MYOF: variants seen among roughly 807,000 people sequenced by gnomAD.
The protein encoded by MYOF is myoferlin.
Under a neutral mutation model 284.2 loss-of-function variants are expected in MYOF, and 244 were observed. The observed-to-expected ratio is 0.86, with a 90% CI of 0.77 to 0.95. The LOEUF is 0.95. MYOF is among the 40% of genes least tolerant of loss of function. MYOF has a pLI of 0.00. For synonymous variants in MYOF, 904 were observed against 919.7 expected, an observed-to-expected ratio of 0.98 and a Z score of 0.31; for missense variants, 2,496 against 2,560.6, an observed-to-expected ratio of 0.97 and a Z score of 0.54.
Position 93,323,064 on chromosome 10 carries a change from C to T in MYOF, c.5456+14G>A. 6.2e-7 allele frequency: 1 copy of T among 1,609,888 alleles called. No individual in the cohort carries two copies. The highest frequency in any genetic ancestry group is 8.5e-7 in the Non-Finnish European group (1 of 1,176,098). The stretch of plus-strand genomic sequence containing the variant: ...TCCCTGAGCTTGGCAAAGTCTCTCA[C>T]ATGCTAACCTTACCCTTTGACGTAG... On this transcript the variant is annotated intron_variant, in intron 48 of 53. Coordinates refer to ENST00000359263, the MANE Select transcript of MYOF (RefSeq NM_013451.4).
chr10:93,480,499 G>A (rs1422458921), intron 1 of MYOF, among the ~76,000 whole-genome samples: 1 of 120,024 alleles, frequency 8.3e-6, no homozygotes. Context: ...TTTTTGAGAC[G>A]GAGTCTCACT....
chr10:93,359,752 C>A, intron 29 of MYOF, 81 bp downstream of exon 29: 1 of 1,567,846 alleles, frequency 6.4e-7, no homozygotes, highest in Non-Finnish European at 8.7e-7. Flanking sequence ...ATAATTTCTG[C>A]AGAAATGGCT....
intron 1 of MYOF, 53 bp from the exon 2 acceptor site, chr10:93,456,990 G>A: frequency 7.5e-7 from 1 of 1,338,492 alleles, no homozygotes; most frequent in Non-Finnish European, 1.0e-6. Context: ...AAATTAAAGA[G>A]CGTGGGCCAT....
chr10:93,400,831 A>G (rs1277570678), intron 12 of MYOF, among the ~76,000 whole-genome samples: 2 of 149,862 alleles, frequency 1.3e-5, no homozygotes, highest in Admixed American at 6.7e-5. Context: ...TCATTGGGAC[A>G]TTACTACCCT....
intron 49 of MYOF, among the ~76,000 whole-genome samples, chr10:93,318,432 A>T (rs1564613810): frequency 6.6e-6 from 1 of 151,776 alleles, no homozygotes; most frequent in Non-Finnish European, 1.5e-5. Context: ...AAAAGAAAAA[A>T]GTCCCCTTTG....
chr10:93,407,896 A>T (rs1462086701), intron 7 of MYOF, among the ~76,000 whole-genome samples: 1 of 152,136 alleles, frequency 6.6e-6, no homozygotes, highest in South Asian at 2.1e-4. Context: ...TGTCCCTCAG[A>T]GACACCCTGC....
At chr10:93,407,400 C>T (rs1438417971) in intron 7 of MYOF, among the ~76,000 whole-genome samples, 2 of 122,238 alleles carry the variant, frequency 1.6e-5, no homozygotes, top group Non-Finnish European at 3.2e-5. Context: ...CACACTCCAG[C>T]CTTGGCAACA....
intron 5 of MYOF, among the ~76,000 whole-genome samples, chr10:93,425,016 G>T (rs1848520209): frequency 7.7e-6 from 1 of 130,356 alleles, no homozygotes; most frequent in South Asian, 2.5e-4. Context: ...TCGGCTCACT[G>T]AAACCTCCTC....
intron 21 of MYOF, among the ~76,000 whole-genome samples, chr10:93,378,534 C>T (rs1023252198): frequency 6.6e-6 from 1 of 151,442 alleles, no homozygotes; most frequent in Non-Finnish European, 1.5e-5. Context: ...ACTCCTGAAA[C>T]CCCATATGTT....
At chr10:93,355,445 G>A (rs773229371) in intron 31 of MYOF, among the ~76,000 whole-genome samples, 183 bp downstream of exon 31, 5 of 152,130 alleles carry the variant, frequency 3.3e-5, no homozygotes, top group Admixed American at 2.6e-4. Context: ...AATTAGCCAG[G>A]CATGGTGACG....
In MYOF at chr10:93,310,166, G is replaced by C. The variant is rs146306077; in HGVS notation, c.6001C>G (p.Arg2001Gly). Residue 2001 changes from arginine (R) to glycine (G), a missense_variant and splice_region_variant, in exon 53 of 54, where the codon CGA becomes GGA. Arg to Gly is a moderately radical substitution (Grantham distance 125). Coordinates refer to ENST00000359263, the MANE Select transcript of MYOF (RefSeq NM_013451.4). ...AACCAGAGGAAGGAGGTTTCTGGTC[G>C]ACTGCATTGCAAAGAAACAGTATCA... Reference protein sequence around the residue: ...NMNPKLDLPNRPETSFLWFTN... With the variant: ...NMNPKLDLPNGPETSFLWFTN... 2 of 1,613,928 alleles carry C rather than the reference G, an allele frequency of 1.2e-6. No individual in the cohort carries two copies. Among genetic ancestry groups the C allele is most frequent in the East Asian group, 2.2e-5 (1 of 44,860 alleles).
intron 1 of MYOF, among the ~76,000 whole-genome samples, chr10:93,471,749 C>T (rs573756067): frequency 6.6e-6 from 1 of 152,126 alleles, no homozygotes; most frequent in Non-Finnish European, 1.5e-5. Flanking sequence ...ATTAGCCGGG[C>T]ATTGTGGCAT....
At chr10:93,317,086 G>T in intron 49 of MYOF, among the ~76,000 whole-genome samples, 1 of 149,760 alleles carries the variant, frequency 6.7e-6, no homozygotes, top group Non-Finnish European at 1.5e-5. Flanking sequence ...CTGGGGGTTG[G>T]AGAGTGACTC....
chr10:93,363,943 C>T lies in MYOF; in HGVS notation c.2868+18G>A. 1 of 1,611,086 alleles carries T rather than the reference C, an allele frequency of 6.2e-7. No individual in the cohort carries two copies. Among genetic ancestry groups the T allele is most frequent in the Non-Finnish European group, 8.5e-7 (1 of 1,177,852 alleles). Reference sequence around the variant, plus strand: ...AGAGGTGACAGGTGAGAGTTTCTCTCCGGAGCAGGCCACTCACCGCATCCG... The same window carrying T: ...AGAGGTGACAGGTGAGAGTTTCTCTTCGGAGCAGGCCACTCACCGCATCCG... On this transcript the variant is annotated intron_variant, in intron 27 of 53. Transcript: ENST00000359263.
chr10:93,329,893 CTG>C (rs754953549), intron 43 of MYOF, 59 bp from the exon 44 acceptor site: 77 of 1,565,284 alleles, frequency 4.9e-5, no homozygotes, highest in Non-Finnish European at 6.4e-5. Context: ...CTCACAAAAA[CTG>C]GGGCTCTGTG....
At chr10:93,326,488 A>G (rs1843052942) in intron 45 of MYOF, among the ~76,000 whole-genome samples, 1 of 152,242 alleles carries the variant, frequency 6.6e-6, no homozygotes, top group East Asian at 1.9e-4. Context: ...ACCTGGGTTC[A>G]TGGAGCACTG....
In MYOF at chr10:93,323,257, A is replaced by ATGAC. The variant is rs748848325; in HGVS notation, c.5360+9_5360+12dup. The ATGAC allele has an allele frequency of 5.6e-6, 9 of 1,613,940 alleles. No individual in the cohort carries two copies. The highest frequency in any genetic ancestry group is 1.7e-5 in the Admixed American group (1 of 60,008). ...CCAGTGTATGTATCAGGGTCTCAGG[A>ATGAC]TGACTGACTTACTTCTTGGCTTTCC... is the stretch of plus-strand genomic sequence containing the variant. On this transcript the variant is annotated intron_variant, in intron 47 of 53. Transcript: ENST00000359263.
chr10:93,450,026 G>C (rs1205166233), intron 3 of MYOF, among the ~76,000 whole-genome samples: 1 of 152,116 alleles, frequency 6.6e-6, no homozygotes, highest in Non-Finnish European at 1.5e-5. Context: ...GGGAGGCTGA[G>C]GTGGACAGAT....
rs747985020 is a variant in MYOF, at chr10:93,392,961, T to C, written c.1418-6A>G. The C allele has an allele frequency of 2.5e-6, 4 of 1,609,184 alleles. No homozygotes were observed. Among genetic ancestry groups the C allele is most frequent in the Non-Finnish European group, 3.4e-6 (4 of 1,175,818 alleles). ...AGTTCCCGAAGATGAGAAATCTATA[T>C]AGTAAAAATATGACTGGTTAAACAA... On this transcript the variant is annotated splice_region_variant and splice_polypyrimidine_tract_variant and intron_variant, in intron 16 of 53. Transcript: ENST00000359263.
Sources: allele counts gnomAD v4.1 joint callset (sites outside exome capture counted in the v4.1 genomes callset), GRCh38; gene constraint gnomAD v4.1.1; transcripts MANE v1.5; gene names NCBI Gene and HGNC (gene_info 2026-07-23, HGNC 2026-07-21).